Variants in HS3ST4 observed in about 807,000 individuals in gnomAD.
HS3ST4 encodes heparan sulfate-glucosamine 3-sulfotransferase 4, also known as heparan sulfate glucosamine 3-O-sulfotransferase 4.
A neutral mutation model predicts 29.2 loss-of-function variants in HS3ST4; 17 were observed. The ratio of observed to expected loss-of-function variants is 0.58; its 90% CI spans 0.40 to 0.87. The LOEUF is 0.87. HS3ST4 is among the 40% of genes least tolerant of loss of function. The pLI, the probability that HS3ST4 is intolerant of heterozygous loss-of-function variation, is 0.00. For missense variants in HS3ST4, 627 were observed against 634.5 expected (o/e 0.99, Z 0.13); for synonymous variants, 314 against 285.7 (o/e 1.10, Z -1.00).
intron 1 of HS3ST4, among the ~76,000 whole-genome samples, chr16:25,757,315 A>G (rs984478291): frequency 6.6e-6 from 1 of 152,128 alleles, no homozygotes; most frequent in Non-Finnish European, 1.5e-5. Flanking sequence ...TAAAACTTTT[A>G]AAAACCTTGG....
intron 1 of HS3ST4, among the ~76,000 whole-genome samples, chr16:26,117,566 G>T (rs1899216913): frequency 6.6e-6 from 1 of 152,202 alleles, no homozygotes; most frequent in African/African-American, 2.4e-5. Flanking sequence ...CCAACTAAAT[G>T]CTGTGTCTGC....
chr16:25,933,678 T>C (rs2141688733), intron 1 of HS3ST4, among the ~76,000 whole-genome samples: 1 of 152,336 alleles, frequency 6.6e-6, no homozygotes, highest in Admixed American at 6.5e-5. Flanking sequence ...CTCATGTTTT[T>C]TCAGGCTGCT....
chr16:25,731,320 G>T (rs948114153), intron 1 of HS3ST4, among the ~76,000 whole-genome samples: 1 of 152,068 alleles, frequency 6.6e-6, no homozygotes, highest in African/African-American at 2.4e-5. Flanking sequence ...TAATTTTTCA[G>T]GTATACAAAG....
intron 1 of HS3ST4, among the ~76,000 whole-genome samples, chr16:26,127,925 G>C (rs1278588939): frequency 2.0e-5 from 3 of 152,112 alleles, no homozygotes; most frequent in African/African-American, 7.2e-5. Flanking sequence ...ATTTAAACCT[G>C]GGATGCTTCT....
chr16:26,024,738 A>C (rs797013289), intron 1 of HS3ST4, among the ~76,000 whole-genome samples: 6 of 152,208 alleles, frequency 3.9e-5, no homozygotes, highest in African/African-American at 1.4e-4. Flanking sequence ...ATCTCAAAAA[A>C]AAGTCTCATT....
intron 1 of HS3ST4, among the ~76,000 whole-genome samples, chr16:25,983,882 T>G (rs1035755621): frequency 3.0e-5 from 4 of 131,472 alleles, no homozygotes; most frequent in Non-Finnish European, 6.4e-5. Flanking sequence ...GCAGCTTCTT[T>G]TACCTTTTCT....
At chr16:25,941,282 C>G (rs887181619) in intron 1 of HS3ST4, among the ~76,000 whole-genome samples, 1 of 152,144 alleles carries the variant, frequency 6.6e-6, no homozygotes, top group African/African-American at 2.4e-5. Flanking sequence ...TATCCTGCCT[C>G]CTGAGTAGCT....
At chr16:25,696,071 T>G (rs1365372658) in intron 1 of HS3ST4, among the ~76,000 whole-genome samples, 2 of 152,204 alleles carry the variant, frequency 1.3e-5, no homozygotes, top group African/African-American at 2.4e-5. Context: ...TAAAAATACA[T>G]CTGAGATTAG....
intron 1 of HS3ST4, among the ~76,000 whole-genome samples, chr16:26,093,260 C>T (rs182014618): frequency 0.011 from 1,601 of 152,298 alleles, 20 homozygotes; most frequent in African/African-American, 0.037. Context: ...GGCGTTTGAG[C>T]ACTGAGAACG....
chr16:25,969,760 A>G (rs1221426021), intron 1 of HS3ST4, among the ~76,000 whole-genome samples: 1 of 152,194 alleles, frequency 6.6e-6, no homozygotes, highest in African/African-American at 2.4e-5. Context: ...AGGGAAAATG[A>G]AGGGCCGCCC....
At chr16:25,891,574 G>A (rs548308133) in intron 1 of HS3ST4, among the ~76,000 whole-genome samples, 12 of 152,248 alleles carry the variant, frequency 7.9e-5, no homozygotes, top group African/African-American at 2.9e-4. Flanking sequence ...TGTCCCATGA[G>A]AACAACACAG....
At chr16:25,740,522 TAGA>T (rs1250934452) in intron 1 of HS3ST4, among the ~76,000 whole-genome samples, 1 of 152,162 alleles carries the variant, frequency 6.6e-6, no homozygotes, top group South Asian at 2.1e-4. Flanking sequence ...GTGAGACGAG[TAGA>T]AGGACAGCAA....
intron 1 of HS3ST4, among the ~76,000 whole-genome samples, chr16:25,755,153 C>G (rs549709533): frequency 6.6e-6 from 1 of 152,222 alleles, no homozygotes; most frequent in South Asian, 2.1e-4. Flanking sequence ...TCCATTCATT[C>G]AACAAGCAGT....
chr16:26,122,653 T>C (rs535710637), intron 1 of HS3ST4, among the ~76,000 whole-genome samples: 1 of 152,318 alleles, frequency 6.6e-6, no homozygotes, highest in East Asian at 1.9e-4. Flanking sequence ...CGGTACTCTA[T>C]GACTGGGTTG....
chr16:26,054,299 A>AGAGAGAG (rs397962355), intron 1 of HS3ST4, among the ~76,000 whole-genome samples: 44 of 141,764 alleles, frequency 3.1e-4, no homozygotes, highest in Middle Eastern at 7.6e-3. Flanking sequence ...AGAGAGAGAG[A>AGAGAGAG]AGGAGGAGGA....
chr16:25,897,224 G>A (rs1193838262), intron 1 of HS3ST4, among the ~76,000 whole-genome samples: 1 of 152,144 alleles, frequency 6.6e-6, no homozygotes, highest in South Asian at 2.1e-4. Flanking sequence ...GAAGGCCAAG[G>A]CAGGAGCTCA....
chr16:26,039,006 T>A lies in HS3ST4; in HGVS notation c.735-96606T>A, dbSNP rs371526106. ...CCTGGTTCTTCCTTCAAGGTCTAGC[T>A]CAGTGTTGCCTGATCTCGGTGACAT... On this transcript the variant is annotated intron_variant, in intron 1 of 1. Coordinates refer to ENST00000331351, the MANE Select transcript of HS3ST4 (RefSeq NM_006040.3). 1.4e-4 allele frequency among the ~76,000 whole-genome samples: 21 copies of A among 152,210 alleles called. No homozygotes were observed. The South Asian group carries it at 4.4e-3, about 32-fold the overall frequency.
chr16:25,762,876 C>CAAAAAAAAAAAAAAAAAAAA (rs67260535), intron 1 of HS3ST4, among the ~76,000 whole-genome samples: 7 of 60,462 alleles, frequency 1.2e-4, no homozygotes, highest in East Asian at 5.8e-4. Flanking sequence ...GACCCTGTCT[C>CAAAAAAAAAAAAAAAAAAAA]AAAAAAAAAA....
chr16:25,826,193 A>G (rs951602362), intron 1 of HS3ST4: 2 of 152,192 alleles, frequency 1.3e-5, no homozygotes, highest in Non-Finnish European at 2.9e-5. Flanking sequence ...TCTTGTAGAA[A>G]TGGCCTTTTT....
Sources: allele counts gnomAD v4.1 joint callset (sites outside exome capture counted in the v4.1 genomes callset), GRCh38; gene constraint gnomAD v4.1.1; transcripts MANE v1.5; gene names NCBI Gene and HGNC (gene_info 2026-07-23, HGNC 2026-07-21).